RALGPS2: variants seen among roughly 807,000 people sequenced by gnomAD.
The protein encoded by RALGPS2 is ras-specific guanine nucleotide-releasing factor RalGPS2.
RALGPS2 carries 43 observed loss-of-function variants against 86.8 expected under a neutral mutation model. The observed-to-expected ratio is 0.50, with a 90% confidence interval of 0.39 to 0.64. The LOEUF (loss-of-function observed/expected upper bound fraction) is 0.64, where lower values mean the gene tolerates loss of function less well. Ranked by LOEUF, RALGPS2 falls within the 30% of genes least tolerant of loss-of-function variation. The pLI is 0.00. For synonymous variants in RALGPS2, 243 were observed against 231.3 expected (o/e 1.05, Z -0.46); for missense variants, 536 against 694.6 (o/e 0.77, Z 2.57).
chr1:178,769,902 G>T (rs1652704448), intron 1 of RALGPS2, among the ~76,000 whole-genome samples: 1 of 152,040 alleles, frequency 6.6e-6, no homozygotes, highest in Non-Finnish European at 1.5e-5. Context: ...TTGCATACTG[G>T]GGCCTCACTC....
chr1:178,785,501 C>T, intron 3 of RALGPS2, 56 bp from the exon 4 acceptor site: 1 of 1,501,944 alleles, frequency 6.7e-7, no homozygotes, highest in Non-Finnish European at 8.9e-7. Flanking sequence ...ATTTAGGTTA[C>T]ATGTTATGGT....
At chr1:178,750,001 C>T (rs927726483) in intron 1 of RALGPS2, among the ~76,000 whole-genome samples, 11 of 152,048 alleles carry the variant, frequency 7.2e-5, no homozygotes, top group Admixed American at 2.6e-4. Flanking sequence ...GTCCCAGCTA[C>T]TTGGAGGGCT....
rs764177463 is a variant in RALGPS2 at position 178,920,691 on chromosome 1, A to C, written c.*4332A>C. 3 of 151,950 alleles carry C rather than the reference A, an allele frequency of 2.0e-5. No individual in the cohort carries two copies. Among genetic ancestry groups the C allele is most frequent in the Non-Finnish European group, 2.9e-5 (2 of 67,888 alleles). 9.4% of individuals were successfully genotyped at this position (151,950 alleles called of 1,614,324 possible). ...TGAAGAGCACTCTTCAGCCAAGTTC[A>C]TTTTTATTTTGTTGTTGATGTTTTG... On this transcript the variant is annotated 3_prime_UTR_variant, in exon 20 of 20. Coordinates refer to ENST00000367635, the MANE Select transcript of RALGPS2 (RefSeq NM_152663.5).
In RALGPS2 at chr1:178,738,881, G is replaced by T. The variant is rs1457142096; in HGVS notation, c.-84+13462G>T. ...ATCTGTGGTTATTCTAGATCTCTAG[G>T]GTTACTGGAGTAAATTATTCGTTAT... On this transcript the variant is annotated intron_variant, in intron 1 of 19. Coordinates refer to ENST00000367635, the MANE Select transcript of RALGPS2 (RefSeq NM_152663.5). Among the ~76,000 whole-genome samples the T allele has an allele frequency of 4.6e-5, 7 of 152,038 alleles. No individual in the cohort carries two copies. In the East Asian group the frequency reaches 1.3e-3, roughly 29 times the overall value.
chr1:178,749,155 G>A lies in RALGPS2; in HGVS notation c.-84+23736G>A, dbSNP rs2102039700. Among the ~76,000 whole-genome samples the A allele has an allele frequency of 2.0e-5, 3 of 152,084 alleles. No homozygotes were observed. The South Asian group carries it at 6.2e-4, about 32-fold the overall frequency. On this transcript the variant is annotated intron_variant, in intron 1 of 19. Transcript: ENST00000367635. ...ATTAATAGACCAAAATTTGTCTTTT[G>A]TTTTTGGACCAAATAAAGCTGTTTT...
At chr1:178,736,316 C>T (rs1209469033) in intron 1 of RALGPS2, among the ~76,000 whole-genome samples, 1 of 151,888 alleles carries the variant, frequency 6.6e-6, no homozygotes, top group African/African-American at 2.4e-5. Flanking sequence ...TGCCTACCAC[C>T]ATGCCTGGCT....
chr1:178,852,960 A>G (rs1386384250), intron 8 of RALGPS2: 3 of 1,601,438 alleles, frequency 1.9e-6, no homozygotes, highest in East Asian at 2.2e-5. Context: ...CTTTCTGTTA[A>G]TAAGTGAAGA....
chr1:178,839,572 A>C (rs937948474), intron 8 of RALGPS2, among the ~76,000 whole-genome samples: 6 of 152,280 alleles, frequency 3.9e-5, no homozygotes, highest in South Asian at 2.1e-4. Flanking sequence ...CAAATTGTAG[A>C]GACCATTGAT....
At chr1:178,885,009 A>C (rs1329530785) in intron 11 of RALGPS2, 67 bp from the exon 12 acceptor site, 2 of 1,453,358 alleles carry the variant, frequency 1.4e-6, no homozygotes, top group Non-Finnish European at 1.8e-6. Flanking sequence ...ACCACATTTA[A>C]TATTTTCTTT....
At chr1:178,889,768 C>G (rs1479789635) in intron 14 of RALGPS2, 72 bp downstream of exon 14, 6 of 1,107,030 alleles carry the variant, frequency 5.4e-6, no homozygotes, top group Non-Finnish European at 8.0e-6. Flanking sequence ...TACAAATTTT[C>G]AGAGATAATA....
Position 178,886,001 on chromosome 1 carries a change from A to G in RALGPS2, c.1073A>G (p.Lys358Arg). ...CATAAAATGAACACAGCAGAATTTA[A>G]GAGTGCAACGTTTCCAAATGCAGGA... is the stretch of plus-strand genomic sequence containing the variant. ...FIHKMNTAEF[K>R]SATFPNAGPR... Residue 358 changes from lysine (K) to arginine (R), a missense_variant, in exon 13 of 20, where the codon AAG (lysine) becomes AGG (arginine). Physicochemically the swap from Lys to Arg is conservative, Grantham distance 26. Coordinates refer to ENST00000367635, the MANE Select transcript of RALGPS2 (RefSeq NM_152663.5). 2 of 1,609,704 alleles carry G rather than the reference A, an allele frequency of 1.2e-6. No individual in the cohort carries two copies. Among genetic ancestry groups the G allele is most frequent in the Non-Finnish European group, 8.5e-7 (1 of 1,178,192 alleles).
At chr1:178,859,408 T>C (rs1236133159) in intron 8 of RALGPS2, among the ~76,000 whole-genome samples, 1 of 146,820 alleles carries the variant, frequency 6.8e-6, no homozygotes, top group Non-Finnish European at 1.5e-5. Context: ...TAACTTTTTT[T>C]TTTTTTTTTT....
At chr1:178,869,650 AGC>A (rs1658627466) in intron 8 of RALGPS2, among the ~76,000 whole-genome samples, 1 of 152,136 alleles carries the variant, frequency 6.6e-6, no homozygotes, top group African/African-American at 2.4e-5. Flanking sequence ...AAATCCTGCC[AGC>A]ATTTACAGTT....
At chr1:178,727,493 A>G (rs1270740882) in intron 1 of RALGPS2, among the ~76,000 whole-genome samples, 1 of 152,258 alleles carries the variant, frequency 6.6e-6, no homozygotes, top group Non-Finnish European at 1.5e-5. Flanking sequence ...TTGCATTGGC[A>G]GAACACAACG....
intron 4 of RALGPS2, among the ~76,000 whole-genome samples, chr1:178,788,525 TGCATTAAG>T (rs1558119983): frequency 6.6e-6 from 1 of 152,160 alleles, no homozygotes; most frequent in Non-Finnish European, 1.5e-5. Flanking sequence ...AGATGACATC[TGCATTAAG>T]GCCTAAAGGA....
chr1:178,802,771 A>T (rs2102177035), intron 4 of RALGPS2, among the ~76,000 whole-genome samples: 1 of 152,280 alleles, frequency 6.6e-6, no homozygotes, highest in South Asian at 2.1e-4. Context: ...GTTGGTGTGC[A>T]TAAATTTTGA....
At chr1:178,818,200 A>G (rs1308453478) in intron 6 of RALGPS2, among the ~76,000 whole-genome samples, 1 of 152,096 alleles carries the variant, frequency 6.6e-6, no homozygotes, top group East Asian at 1.9e-4. Flanking sequence ...TCTCTACTAA[A>G]AATACAAAAA....
At chr1:178,787,985 C>A (rs1256056507) in intron 4 of RALGPS2, among the ~76,000 whole-genome samples, 1 of 152,168 alleles carries the variant, frequency 6.6e-6, no homozygotes, top group African/African-American at 2.4e-5. Context: ...GGATAAAGAA[C>A]CATCTTAATA....
intron 8 of RALGPS2, chr1:178,850,568 G>A (rs1056632033): frequency 1.3e-5 from 2 of 151,948 alleles, no homozygotes; most frequent in African/African-American, 4.8e-5. Context: ...GGGAAAATCA[G>A]CATAGGATAT....
Sources: allele counts gnomAD v4.1 joint callset (sites outside exome capture counted in the v4.1 genomes callset), GRCh38; gene constraint gnomAD v4.1.1; transcripts MANE v1.5; gene names NCBI Gene and HGNC (gene_info 2026-07-23, HGNC 2026-07-21).